The following PCDHGA5 variants were observed in gnomAD, a reference collection of about 807,000 sequenced individuals.
PCDHGA5 encodes protocadherin gamma subfamily A, 5.
A neutral mutation model predicts 56.7 loss-of-function variants in PCDHGA5; 36 were observed. That is an observed-to-expected ratio of 0.64 (90% CI 0.49 to 0.84). The LOEUF (loss-of-function observed/expected upper bound fraction) is 0.84, where lower values mean the gene tolerates loss of function less well. Among genes scored for constraint, PCDHGA5 ranks in the 40% least tolerant of loss-of-function variants. PCDHGA5 has a pLI of 0.00. For missense variants in PCDHGA5, 1,305 were observed against 1,201.5 expected (o/e 1.09, Z -1.27); for synonymous variants, 563 against 520.2 (o/e 1.08, Z -1.12).
rs148279287 is a variant in PCDHGA5 at position 141,389,277 on chromosome 5, C to T, written c.2421+22526C>T. ...AGTCCACGTGGCCGAGAACAACCCG[C>T]CTGGAGCCTCTATTTCACAAGTCAG... On this transcript the variant is annotated intron_variant, in intron 1 of 3. Transcript: ENST00000518069. 7,343 of 1,614,014 alleles carry T rather than the reference C, an allele frequency of 4.5e-3. 34 individuals are homozygous for T. Among genetic ancestry groups the T allele is most frequent in the Middle Eastern group, 0.015 (93 of 6,062 alleles).
At position 141,482,530 on chromosome 5, in the gene PCDHGA5, C is replaced by CAA. The variant is rs3074545; in HGVS notation, c.2422-12259_2422-12258dup. ...CAGAGTACAGTATGAGACAGACATG[C>CAA]AAAAAAAAAAAAAAAAAAAGATAAT... On this transcript the variant is annotated intron_variant, in intron 1 of 3. Transcript: ENST00000518069. Among the ~76,000 whole-genome samples the CAA allele has an allele frequency of 5.5e-3, 422 of 76,516 alleles. 18 individuals are homozygous for CAA. Among genetic ancestry groups the CAA allele is most frequent in the African/African-American group, 0.016 (343 of 20,862 alleles). The allele number at this position is 76,516 out of a possible 152,430, so 50.2% of individuals were successfully genotyped here.
Position 141,393,770 on chromosome 5 carries a change from A to G in PCDHGA5, c.2421+27019A>G, listed in dbSNP as rs372280460. 83 of 1,613,864 alleles carry G rather than the reference A, an allele frequency of 5.1e-5. 1 individual carries two copies. Among genetic ancestry groups the G allele is most frequent in the Middle Eastern group, 1.6e-4 (1 of 6,084 alleles). On this transcript the variant is annotated intron_variant, in intron 1 of 3. Transcript: ENST00000518069. ...AATGTTCATTTTATGAAATGGAAAT[A>G]CAAGCCGAAGATGTGGGGGCACTTC... is the stretch of plus-strand genomic sequence containing the variant.
At position 141,486,905 on chromosome 5, in the gene PCDHGA5, C is replaced by G. The variant is rs1463391292; in HGVS notation, c.2422-7902C>G. On this transcript the variant is annotated intron_variant, in intron 1 of 3. Coordinates refer to ENST00000518069, the MANE Select transcript of PCDHGA5 (RefSeq NM_018918.3). This position sits in a 1 kb window ranked among gnomAD's most constrained non-coding sequence, Gnocchi z 5.0. ...GGCCCGGCCTGGTTCCTTATGTCCC[C>G]AAGCACTGCCTCCATCAGTTGGTGC... 1 of 1,614,250 alleles carries G rather than the reference C, an allele frequency of 6.2e-7. No individual in the cohort carries two copies. The highest frequency in any genetic ancestry group is 1.3e-5 in the African/African-American group (1 of 75,066).
Position 141,489,784 on chromosome 5 carries a change from G to A in PCDHGA5, c.2422-5023G>A. 1 of 1,614,218 alleles carries A rather than the reference G, an allele frequency of 6.2e-7. No individual in the cohort carries two copies. Among genetic ancestry groups the A allele is most frequent in the Non-Finnish European group, 8.5e-7 (1 of 1,180,010 alleles). On this transcript the variant is annotated intron_variant, in intron 1 of 3. Transcript: ENST00000518069. This position sits in a 1 kb window ranked among gnomAD's most constrained non-coding sequence, Gnocchi z 4.5. ...CCCCAACAGCCACTTCTCTCTGAAT[G>A]TGAAGACCCTAAAAGATGGGAAGCC...
chr5:141,501,288 T>TACAC (rs1562199973), intron 2 of PCDHGA5, among the ~76,000 whole-genome samples: 2 of 81,228 alleles, frequency 2.5e-5, no homozygotes, highest in Admixed American at 1.6e-4. Flanking sequence ...GATATTCCCT[T>TACAC]ATACACACAC....
intron 1 of PCDHGA5, chr5:141,395,349 CAG>C: frequency 7.2e-7 from 1 of 1,382,548 alleles, no homozygotes; most frequent in South Asian, 1.5e-5. Flanking sequence ...AGGTGTATCA[CAG>C]AGTTTTGGGT....
chr5:141,505,326 G>A, intron 2 of PCDHGA5, 67 bp from the exon 3 acceptor site: 2 of 1,607,648 alleles, frequency 1.2e-6, no homozygotes, highest in East Asian at 2.2e-5. Context: ...AGCCCTGGGA[G>A]AGGACAGGAG....
chr5:141,465,893 C>A (rs926928579), intron 1 of PCDHGA5, among the ~76,000 whole-genome samples: 1 of 151,962 alleles, frequency 6.6e-6, no homozygotes, highest in Non-Finnish European at 1.5e-5. Context: ...GAGGCCGAGG[C>A]GGGCAAATCA....
chr5:141,426,970 A>G (rs772659046), intron 1 of PCDHGA5: 1 of 456,742 alleles, frequency 2.2e-6, no homozygotes. Context: ...ATTCAAATTG[A>G]GGTCACTGAT....
At chr5:141,404,593 A>G in intron 1 of PCDHGA5, 1 of 1,614,080 alleles carries the variant, frequency 6.2e-7, no homozygotes, top group Non-Finnish European at 8.5e-7. Context: ...GCAATGTGTC[A>G]TTGAGACTGT....
intron 1 of PCDHGA5, chr5:141,428,158 G>C (rs776350833): frequency 3.8e-6 from 6 of 1,577,610 alleles, no homozygotes; most frequent in Non-Finnish European, 5.2e-6. Context: ...GGAACCTGCT[G>C]GTTGCTGTGC....
At chr5:141,419,239 C>A in intron 1 of PCDHGA5, 3 of 1,614,008 alleles carry the variant, frequency 1.9e-6, no homozygotes, top group Non-Finnish European at 2.5e-6. Flanking sequence ...ACCTGGTCCA[C>A]GTGCCAGAAA....
At chr5:141,394,303 AG>A in intron 1 of PCDHGA5, 2 of 1,613,924 alleles carry the variant, frequency 1.2e-6, no homozygotes, top group East Asian at 2.2e-5. Context: ...GACACGCTGC[AG>A]GGGGCGCCCC....
chr5:141,375,705 C>T, intron 1 of PCDHGA5: 7 of 1,614,280 alleles, frequency 4.3e-6, no homozygotes, highest in Non-Finnish European at 5.9e-6. Context: ...GGGGACCCGC[C>T]TCTTAGCAGC....
Position 141,511,344 on chromosome 5 carries a change from T to G in PCDHGA5, c.*171T>G, listed in dbSNP as rs2099883730. 3 of 1,419,052 alleles carry G rather than the reference T, an allele frequency of 2.1e-6. No homozygotes were observed. Among genetic ancestry groups the G allele is most frequent in the Non-Finnish European group, 2.8e-6 (3 of 1,067,404 alleles). 87.9% of individuals were successfully genotyped at this position (1,419,052 alleles called of 1,614,324 possible). On this transcript the variant is annotated 3_prime_UTR_variant, in exon 4 of 4. Coordinates refer to ENST00000518069, the MANE Select transcript of PCDHGA5 (RefSeq NM_018918.3). The stretch of plus-strand genomic sequence containing the variant: ...CAAGTGCCCAGTCAGCACCTACCCC[T>G]TCCCCCCCAGGGGGTTGAATATGCA...
intron 1 of PCDHGA5, among the ~76,000 whole-genome samples, chr5:141,456,733 G>A (rs1186997201): frequency 6.6e-6 from 1 of 152,182 alleles, no homozygotes; most frequent in Non-Finnish European, 1.5e-5. Context: ...GGGAGGCTGA[G>A]GCGGGAGCAT....
At chr5:141,372,324 G>C in intron 1 of PCDHGA5, 2 of 1,613,704 alleles carry the variant, frequency 1.2e-6, no homozygotes, top group South Asian at 2.2e-5. Context: ...GCGCCTGCTG[G>C]TCACTGTGCG....
At chr5:141,420,222 TG>T in intron 1 of PCDHGA5, 1 of 1,604,490 alleles carries the variant, frequency 6.2e-7, no homozygotes, top group East Asian at 2.2e-5. Flanking sequence ...AGCATGCTAC[TG>T]GCTAGCATTT....
chr5:141,402,642 A>C (rs1236156893), intron 1 of PCDHGA5, among the ~76,000 whole-genome samples: 2 of 152,240 alleles, frequency 1.3e-5, no homozygotes, highest in Non-Finnish European at 2.9e-5. Flanking sequence ...TAAAATCATA[A>C]TTAGAAGAGA....
Sources: allele counts gnomAD v4.1 joint callset (sites outside exome capture counted in the v4.1 genomes callset), GRCh38; gene constraint gnomAD v4.1.1; non-coding constraint Gnocchi (gnomAD v3.1); transcripts MANE v1.5; gene names NCBI Gene and HGNC (gene_info 2026-07-23, HGNC 2026-07-21).